GABRB1: variants seen among roughly 807,000 people sequenced by gnomAD.
GABRB1 encodes the protein gamma-aminobutyric acid type A receptor subunit beta1, also known as gamma-aminobutyric acid receptor subunit beta-1.
In GABRB1, 17 loss-of-function variants were observed where a neutral mutation model predicts 51.6. The ratio of observed to expected loss-of-function variants is 0.33; its 90% CI spans 0.23 to 0.49. The LOEUF (loss-of-function observed/expected upper bound fraction) is 0.49, where lower values mean the gene tolerates loss of function less well. Among genes scored for constraint, GABRB1 ranks in the 20% least tolerant of loss-of-function variants. The pLI is 0.99. For synonymous variants in GABRB1, 247 were observed against 218.9 expected (o/e 1.13, Z -1.14); for missense variants, 410 against 600.6 (o/e 0.68, Z 3.32).
intron 4 of GABRB1, among the ~76,000 whole-genome samples, chr4:47,259,023 T>C (rs953030313): frequency 1.3e-4 from 20 of 152,170 alleles, no homozygotes; most frequent in African/African-American, 4.6e-4. Context: ...TCCATCCATA[T>C]GCAGTTGTCT....
At chr4:47,385,032 C>T (rs958860790) in intron 5 of GABRB1, among the ~76,000 whole-genome samples, 1 of 152,186 alleles carries the variant, frequency 6.6e-6, no homozygotes, top group Non-Finnish European at 1.5e-5. Flanking sequence ...GCTGTCATTA[C>T]ACTTTCCGGA....
At chr4:47,418,245 C>G (rs1728989768) in intron 8 of GABRB1, among the ~76,000 whole-genome samples, 1 of 152,144 alleles carries the variant, frequency 6.6e-6, no homozygotes, top group Non-Finnish European at 1.5e-5. Flanking sequence ...TTTAAGGAAT[C>G]ATTTCTTGCA....
intron 3 of GABRB1, among the ~76,000 whole-genome samples, chr4:47,102,302 A>G (rs1024658539): frequency 5.9e-5 from 9 of 152,032 alleles, no homozygotes; most frequent in Non-Finnish European, 1.0e-4. Flanking sequence ...AGCAACAAAT[A>G]GCCACAGGAT....
At chr4:47,007,866 G>GTATAGATATATATATATATA (rs1724453523) in intron 1 of GABRB1, among the ~76,000 whole-genome samples, 1 of 49,972 alleles carries the variant, frequency 2.0e-5, no homozygotes, top group African/African-American at 7.9e-5. Flanking sequence ...CTTGGAACTG[G>GTATAGATATATATATATATA]TATATATATA....
At chr4:47,252,362 A>G (rs1160188206) in intron 4 of GABRB1, among the ~76,000 whole-genome samples, 1 of 151,888 alleles carries the variant, frequency 6.6e-6, no homozygotes, top group East Asian at 1.9e-4. Flanking sequence ...CACTCACAGT[A>G]TTTGGGGTGT....
chr4:47,100,772 G>A (rs535729816), intron 3 of GABRB1, among the ~76,000 whole-genome samples: 20 of 152,034 alleles, frequency 1.3e-4, no homozygotes, highest in Admixed American at 7.2e-4. Context: ...ATACTCACCC[G>A]TGAGAGGTCA....
intron 5 of GABRB1, among the ~76,000 whole-genome samples, chr4:47,347,743 C>A (rs762556007): frequency 6.6e-6 from 1 of 152,088 alleles, no homozygotes; most frequent in Non-Finnish European, 1.5e-5. Flanking sequence ...AATTATGAGG[C>A]TTCAGTTGTT....
intron 5 of GABRB1, among the ~76,000 whole-genome samples, chr4:47,339,848 CA>C (rs1423413427): frequency 6.6e-6 from 1 of 151,904 alleles, no homozygotes; most frequent in African/African-American, 2.4e-5. Flanking sequence ...CACACACACA[CA>C]CACACACCCC....
intron 5 of GABRB1, among the ~76,000 whole-genome samples, chr4:47,364,405 G>C (rs991238373): frequency 6.6e-6 from 1 of 151,980 alleles, no homozygotes; most frequent in Non-Finnish European, 1.5e-5. Flanking sequence ...TGGAGTAAAA[G>C]AAAGGGATGG....
rs553175666 is a variant in GABRB1, at chr4:47,426,096, C to T, written c.*78C>T. The T allele has an allele frequency of 5.2e-6, 6 of 1,160,896 alleles. No homozygotes were observed. Among genetic ancestry groups the T allele is most frequent in the East Asian group, 4.8e-5 (2 of 41,528 alleles). The allele number at this position is 1,160,896 out of a possible 1,614,324, so 71.9% of individuals were successfully genotyped here. ...ACCTTACAGGTCCCCAACAGCGATA[C>T]TGCTGTTTCTCGAGGTAAGAGATTC... On this transcript the variant is annotated 3_prime_UTR_variant, in exon 9 of 9. Coordinates refer to ENST00000295454, the MANE Select transcript of GABRB1 (RefSeq NM_000812.4).
At chr4:47,064,398 G>C (rs1560517424) in intron 3 of GABRB1, among the ~76,000 whole-genome samples, 1 of 152,124 alleles carries the variant, frequency 6.6e-6, no homozygotes, top group Non-Finnish European at 1.5e-5. Flanking sequence ...ACTTTGGGAT[G>C]CTGAGGCCGA....
At chr4:47,005,290 C>A (rs1393203377) in intron 1 of GABRB1, among the ~76,000 whole-genome samples, 5 of 152,054 alleles carry the variant, frequency 3.3e-5, no homozygotes, top group Non-Finnish European at 5.9e-5. Flanking sequence ...TGGTGGCGGG[C>A]GCCTGTAGTC....
intron 8 of GABRB1, among the ~76,000 whole-genome samples, chr4:47,409,605 T>G (rs1249186707): frequency 6.6e-6 from 1 of 152,188 alleles, no homozygotes; most frequent in Non-Finnish European, 1.5e-5. Context: ...GGGGGCATGG[T>G]GGGCCAAAAG....
At chr4:47,319,511 T>C (rs1724999615) in intron 4 of GABRB1, among the ~76,000 whole-genome samples, 2 of 152,174 alleles carry the variant, frequency 1.3e-5, no homozygotes, top group Non-Finnish European at 2.9e-5. Flanking sequence ...TTGTTGCATA[T>C]CCATCCTAGC....
intron 5 of GABRB1, among the ~76,000 whole-genome samples, chr4:47,385,303 G>C (rs1296811560): frequency 1.3e-5 from 2 of 152,184 alleles, no homozygotes; most frequent in Non-Finnish European, 2.9e-5. Flanking sequence ...TTTGGTTACA[G>C]TACTGTGAAA....
At chr4:47,091,416 T>A (rs530300008) in intron 3 of GABRB1, among the ~76,000 whole-genome samples, 4 of 152,216 alleles carry the variant, frequency 2.6e-5, no homozygotes, top group Non-Finnish European at 5.9e-5. Flanking sequence ...ATGTAAAATA[T>A]ACTGAGGAGT....
At chr4:47,305,961 TAAC>T (rs1394366475) in intron 4 of GABRB1, among the ~76,000 whole-genome samples, 1 of 152,158 alleles carries the variant, frequency 6.6e-6, no homozygotes, top group Non-Finnish European at 1.5e-5. Flanking sequence ...GCTGACCTCA[TAAC>T]AAAGTTTGAG....
At chr4:47,223,950 AG>A (rs1323913984) in intron 4 of GABRB1, among the ~76,000 whole-genome samples, 1 of 152,148 alleles carries the variant, frequency 6.6e-6, no homozygotes, top group Non-Finnish European at 1.5e-5. Flanking sequence ...TCTACTTTTG[AG>A]TGGAAAATAT....
intron 4 of GABRB1, among the ~76,000 whole-genome samples, chr4:47,273,410 C>A (rs1244797740): frequency 6.6e-6 from 1 of 152,106 alleles, no homozygotes; most frequent in East Asian, 1.9e-4. Flanking sequence ...ATCTTGTGTG[C>A]AACACATAAG....
Sources: gnomAD v4.1 joint callset for allele counts (sites outside exome capture counted in the v4.1 genomes callset) on GRCh38, gnomAD v4.1.1 for gene constraint, MANE v1.5 for transcripts, NCBI Gene and HGNC (gene_info 2026-07-23, HGNC 2026-07-21) for gene names.